The following FCHSD2 variants were observed in gnomAD, a reference collection of about 807,000 sequenced individuals.
FCHSD2 encodes F-BAR and double SH3 domains protein 2.
In FCHSD2, 38 loss-of-function variants were observed where a neutral mutation model predicts 108.1. The ratio of observed to expected loss-of-function variants is 0.35; its 90% CI spans 0.27 to 0.46. FCHSD2 has a LOEUF of 0.46. Among genes scored for constraint, FCHSD2 ranks in the 20% least tolerant of loss-of-function variants. The pLI is 1.00. For missense variants in FCHSD2, 751 were observed against 897.8 expected, an observed-to-expected ratio of 0.84 and a Z score of 2.09; for synonymous variants, 279 against 314.7, an observed-to-expected ratio of 0.89 and a Z score of 1.20.
At chr11:72,924,888 G>A (rs769816469) in intron 8 of FCHSD2, among the ~76,000 whole-genome samples, 60 of 151,796 alleles carry the variant, frequency 4.0e-4, no homozygotes, top group Non-Finnish European at 7.2e-4. Context: ...TCCTGTATCA[G>A]GACATACTTT....
intron 8 of FCHSD2, among the ~76,000 whole-genome samples, chr11:72,959,255 A>T: frequency 1.2e-5 from 1 of 80,736 alleles, no homozygotes; most frequent in Non-Finnish European, 2.0e-5. Flanking sequence ...TTTGAGACGG[A>T]GTCTCGCTCT....
intron 3 of FCHSD2, among the ~76,000 whole-genome samples, chr11:73,047,362 C>A (rs1199228274): frequency 6.6e-6 from 1 of 151,684 alleles, no homozygotes; most frequent in African/African-American, 2.4e-5. Context: ...GCATCTTATT[C>A]AAGGTTATAA....
intron 1 of FCHSD2, 107 bp downstream of exon 1, chr11:73,141,750 G>T (rs1339745747): frequency 8.2e-7 from 1 of 1,214,082 alleles, no homozygotes; most frequent in Non-Finnish European, 1.1e-6. Context: ...CCAAGACGAG[G>T]GCGGTCACGG....
At chr11:72,852,524 G>C (rs1391635198) in intron 13 of FCHSD2, among the ~76,000 whole-genome samples, 2 of 152,134 alleles carry the variant, frequency 1.3e-5, no homozygotes, top group African/African-American at 2.4e-5. Flanking sequence ...AAATTAGCCA[G>C]GCGTGGTGGT....
chr11:72,880,157 T>C (rs1249027943), intron 12 of FCHSD2, among the ~76,000 whole-genome samples: 1 of 150,482 alleles, frequency 6.6e-6, no homozygotes, highest in Non-Finnish European at 1.5e-5. Flanking sequence ...AAGTGAAAGA[T>C]CTCTACAAGG....
chr11:72,875,424 G>A (rs1389903172), intron 12 of FCHSD2, among the ~76,000 whole-genome samples: 1 of 152,180 alleles, frequency 6.6e-6, no homozygotes. Flanking sequence ...GTGCAGTGGT[G>A]CAATAATAGC....
At chr11:73,111,824 A>C (rs962521425) in intron 2 of FCHSD2, among the ~76,000 whole-genome samples, 1 of 152,164 alleles carries the variant, frequency 6.6e-6, no homozygotes, top group East Asian at 1.9e-4. Flanking sequence ...CAATTATTTT[A>C]AACTGATGAC....
chr11:72,884,693 C>T (rs1337423349), intron 12 of FCHSD2, among the ~76,000 whole-genome samples: 1 of 151,732 alleles, frequency 6.6e-6, no homozygotes, highest in Non-Finnish European at 1.5e-5. Context: ...GCAGACCAAC[C>T]TTCCAGGATC....
intron 3 of FCHSD2, among the ~76,000 whole-genome samples, chr11:73,055,378 A>C (rs564540235): frequency 6.6e-6 from 1 of 152,202 alleles, no homozygotes; most frequent in Non-Finnish European, 1.5e-5. Context: ...GAAACACTGA[A>C]GTAAATACTA....
intron 12 of FCHSD2, among the ~76,000 whole-genome samples, chr11:72,873,344 T>G (rs539509495): frequency 6.7e-6 from 1 of 150,358 alleles, no homozygotes; most frequent in Non-Finnish European, 1.5e-5. Context: ...AAAAAAAAAA[T>G]GAATCTTTTC....
chr11:72,861,975 G>A (rs1017152059), intron 13 of FCHSD2, among the ~76,000 whole-genome samples: 1 of 151,520 alleles, frequency 6.6e-6, no homozygotes, highest in Admixed American at 6.6e-5. Context: ...CCCAAGTGGG[G>A]TTTACCAGGA....
intron 10 of FCHSD2, among the ~76,000 whole-genome samples, chr11:72,899,281 A>C (rs901277367): frequency 6.6e-6 from 1 of 152,194 alleles, no homozygotes; most frequent in Non-Finnish European, 1.5e-5. Flanking sequence ...ACTCATCTTC[A>C]AGATCTAATT....
intron 3 of FCHSD2, among the ~76,000 whole-genome samples, chr11:73,017,364 T>G (rs188115229): frequency 6.6e-6 from 1 of 152,316 alleles, no homozygotes; most frequent in African/African-American, 2.4e-5. Context: ...TCATTAACAT[T>G]GAGATACTTA....
At chr11:72,981,114 A>T (rs1319946727) in intron 8 of FCHSD2, among the ~76,000 whole-genome samples, 2 of 152,198 alleles carry the variant, frequency 1.3e-5, no homozygotes, top group Non-Finnish European at 2.9e-5. Context: ...TGCAGACTAT[A>T]GAATTAGCAT....
At chr11:73,086,039 T>C (rs1414651548) in intron 2 of FCHSD2, among the ~76,000 whole-genome samples, 3 of 152,196 alleles carry the variant, frequency 2.0e-5, no homozygotes, top group Admixed American at 1.3e-4. Context: ...AAGAAAACTA[T>C]GTGCGGGCAA....
intron 12 of FCHSD2, among the ~76,000 whole-genome samples, chr11:72,884,565 G>A (rs1855158295): frequency 6.8e-6 from 1 of 146,124 alleles, no homozygotes; most frequent in Non-Finnish European, 1.5e-5. Flanking sequence ...TTATATATAT[G>A]ATGATATATA....
chr11:72,924,264 G>A (rs1856031459), intron 8 of FCHSD2, among the ~76,000 whole-genome samples: 1 of 152,000 alleles, frequency 6.6e-6, no homozygotes, highest in Non-Finnish European at 1.5e-5. Context: ...TTTTGATGCA[G>A]TCTAATTTAG....
At chr11:73,105,034 A>G (rs1860309769) in intron 2 of FCHSD2, among the ~76,000 whole-genome samples, 1 of 152,232 alleles carries the variant, frequency 6.6e-6, no homozygotes, top group Admixed American at 6.5e-5. Context: ...AAGTACTTCA[A>G]GTTTTTCAAA....
intron 2 of FCHSD2, among the ~76,000 whole-genome samples, chr11:73,112,149 C>T (rs560315460): frequency 9.2e-5 from 14 of 152,238 alleles, no homozygotes; most frequent in African/African-American, 2.6e-4. Flanking sequence ...TAAAGAACTC[C>T]CTTTAGCATT....
Sources: allele counts gnomAD v4.1 joint callset (sites outside exome capture counted in the v4.1 genomes callset), GRCh38; gene constraint gnomAD v4.1.1; transcripts MANE v1.5; gene names NCBI Gene and HGNC (gene_info 2026-07-23, HGNC 2026-07-21).